The following LMBR1 variants were observed in gnomAD, a reference collection of about 807,000 sequenced individuals.
LMBR1 encodes limb region 1 protein homolog.
LMBR1 carries 52 observed loss-of-function variants against 73.9 expected under a neutral mutation model. The ratio of observed to expected loss-of-function variants is 0.70; its 90% CI spans 0.56 to 0.89. The LOEUF is 0.89. Ranked by LOEUF, LMBR1 falls within the 40% of genes least tolerant of loss-of-function variation. The pLI, the probability that LMBR1 is intolerant of heterozygous loss-of-function variation, is 0.00. For missense variants in LMBR1, 539 were observed against 579.8 expected, an observed-to-expected ratio of 0.93 and a Z score of 0.72; for synonymous variants, 215 against 209.4, an observed-to-expected ratio of 1.03 and a Z score of -0.23.
chr7:156,892,816 G>A (rs1210173788), intron 1 of LMBR1, 112 bp downstream of exon 1: 1 of 495,768 alleles, frequency 2.0e-6, no homozygotes, highest in East Asian at 4.3e-5. Flanking sequence ...GGGGCGGGAG[G>A]CGCGAGGCGA....
chr7:156,892,697 GC>G (rs202099378), intron 1 of LMBR1: 1 of 324,468 alleles, frequency 3.1e-6, no homozygotes, highest in Non-Finnish European at 5.4e-6. Context: ...CAAGAGCGGA[GC>G]GGGGGGGCAG....
intron 5 of LMBR1, among the ~76,000 whole-genome samples, chr7:156,785,168 T>C (rs897936874): frequency 2.0e-5 from 3 of 152,090 alleles, no homozygotes; most frequent in Non-Finnish European, 2.9e-5. Context: ...TCCCAGCTAC[T>C]TGGGAGGCTG....
chr7:156,723,506 A>C (rs554605521), intron 15 of LMBR1, among the ~76,000 whole-genome samples: 1 of 152,276 alleles, frequency 6.6e-6, no homozygotes, highest in African/African-American at 2.4e-5. Flanking sequence ...AAGACAACTA[A>C]GGGAAGACTT....
chr7:156,680,363 C>T lies in LMBR1; in HGVS notation c.*3715G>A, dbSNP rs73163985. The T allele has an allele frequency of 0.076, 9,494 of 124,154 alleles. 437 individuals are homozygous for T. The highest frequency in any genetic ancestry group is 0.15 in the African/African-American group (4,769 of 31,984). 7.7% of individuals were successfully genotyped at this position (124,154 alleles called of 1,614,324 possible). ...CTGTCTTGTTAAATTTTTGCTTATA[C>T]GTATCTGAGAGACAGAGAGAGAGAG... On this transcript the variant is annotated 3_prime_UTR_variant, in exon 17 of 17. Coordinates refer to ENST00000353442, the MANE Select transcript of LMBR1 (RefSeq NM_022458.4).
intron 1 of LMBR1, among the ~76,000 whole-genome samples, chr7:156,889,991 G>C (rs144882937): frequency 4.6e-5 from 7 of 152,218 alleles, no homozygotes; most frequent in Middle Eastern, 3.4e-3. Context: ...TCAACAGAGG[G>C]AGAACCTGTC....
chr7:156,687,764 T>C (rs751324273), intron 16 of LMBR1, among the ~76,000 whole-genome samples: 1 of 152,204 alleles, frequency 6.6e-6, no homozygotes, highest in Non-Finnish European at 1.5e-5. Flanking sequence ...GTTCTTAGGA[T>C]GTGCCAGGCG....
chr7:156,830,683 T>C (rs1836523409), intron 3 of LMBR1, among the ~76,000 whole-genome samples: 1 of 152,218 alleles, frequency 6.6e-6, no homozygotes, highest in South Asian at 2.1e-4. Context: ...TCAATAAACA[T>C]TTGCTGCATG....
At chr7:156,721,026 C>T (rs1585370362) in intron 15 of LMBR1, among the ~76,000 whole-genome samples, 1 of 152,128 alleles carries the variant, frequency 6.6e-6, no homozygotes, top group Non-Finnish European at 1.5e-5. Context: ...ACTTTAACTC[C>T]TGTAAGATAA....
At chr7:156,798,034 T>C (rs1333150608) in intron 4 of LMBR1, among the ~76,000 whole-genome samples, 2 of 152,094 alleles carry the variant, frequency 1.3e-5, no homozygotes, top group Non-Finnish European at 2.9e-5. Flanking sequence ...TTAGAGTCAA[T>C]TGTTTTATTG....
At chr7:156,695,037 T>C (rs1807997945) in intron 15 of LMBR1, among the ~76,000 whole-genome samples, 1 of 152,220 alleles carries the variant, frequency 6.6e-6, no homozygotes, top group Non-Finnish European at 1.5e-5. Context: ...CTAGCAGATG[T>C]GGTGGCTCAT....
At chr7:156,846,604 C>T (rs887003072) in intron 1 of LMBR1, among the ~76,000 whole-genome samples, 12 of 152,100 alleles carry the variant, frequency 7.9e-5, no homozygotes, top group African/African-American at 1.2e-4. Flanking sequence ...GTCAAGATGT[C>T]GGTTCTTCCC....
intron 9 of LMBR1, among the ~76,000 whole-genome samples, chr7:156,745,653 A>G (rs1240792510): frequency 1.3e-5 from 2 of 152,196 alleles, no homozygotes; most frequent in African/African-American, 4.8e-5. Flanking sequence ...GGCAAATGCA[A>G]TCTCACTAAG....
chr7:156,736,162 G>A (rs1037250967), intron 9 of LMBR1, among the ~76,000 whole-genome samples: 2 of 152,194 alleles, frequency 1.3e-5, no homozygotes, highest in Admixed American at 6.5e-5. Flanking sequence ...GTTTCTTGGA[G>A]AGCCGTGAAC....
intron 1 of LMBR1, among the ~76,000 whole-genome samples, chr7:156,890,643 CTA>C (rs1802742884): frequency 6.6e-6 from 1 of 152,246 alleles, no homozygotes; most frequent in African/African-American, 2.4e-5. Context: ...ATGATGAACA[CTA>C]TAACACACTT....
At chr7:156,699,878 C>T (rs958143083) in intron 15 of LMBR1, among the ~76,000 whole-genome samples, 5 of 152,124 alleles carry the variant, frequency 3.3e-5, no homozygotes, top group Admixed American at 6.5e-5. Context: ...GTTAGAATGG[C>T]GATCATTTAA....
intron 15 of LMBR1, among the ~76,000 whole-genome samples, chr7:156,694,930 CAA>C (rs1245926044): frequency 4.6e-5 from 7 of 152,260 alleles, no homozygotes; most frequent in African/African-American, 1.7e-4. Flanking sequence ...AAACTACAAA[CAA>C]GAGAAAGTAA....
chr7:156,823,618 A>G (rs1835146975), intron 4 of LMBR1: 1 of 152,200 alleles, frequency 6.6e-6, no homozygotes, highest in African/African-American at 2.4e-5. Context: ...CACTGGAGGG[A>G]TAAATGGTTC....
chr7:156,707,168 C>T (rs1350416168), intron 15 of LMBR1, among the ~76,000 whole-genome samples: 1 of 152,028 alleles, frequency 6.6e-6, no homozygotes, highest in African/African-American at 2.4e-5. Flanking sequence ...AAACATACAA[C>T]CTCTCAAGAT....
Position 156,797,560 on chromosome 7 carries a change from G to A in LMBR1, c.320-1068C>T, listed in dbSNP as rs1047909333. Among the ~76,000 whole-genome samples the A allele has an allele frequency of 3.9e-5, 6 of 152,316 alleles. No homozygotes were observed. In the South Asian group the frequency reaches 8.3e-4, roughly 21 times the overall value. On this transcript the variant is annotated intron_variant, in intron 4 of 16. Transcript: ENST00000353442. Reference sequence around the variant, plus strand: ...CCCCTCTGCTCTCAGAGCTGCTCACGCTGCAGAGCTGCATGCAGAGACTAC... The same window carrying A: ...CCCCTCTGCTCTCAGAGCTGCTCACACTGCAGAGCTGCATGCAGAGACTAC...
Sources: allele counts gnomAD v4.1 joint callset (sites outside exome capture counted in the v4.1 genomes callset), GRCh38; gene constraint gnomAD v4.1.1; transcripts MANE v1.5; gene names NCBI Gene and HGNC (gene_info 2026-07-23, HGNC 2026-07-21).